NCAM2: variants seen among roughly 807,000 people sequenced by gnomAD.
The protein encoded by NCAM2 is neural cell adhesion molecule 2.
A neutral mutation model predicts 98.1 loss-of-function variants in NCAM2; 30 were observed. That is an observed-to-expected ratio of 0.31 (90% CI 0.23 to 0.41). The LOEUF (loss-of-function observed/expected upper bound fraction) is 0.41, where lower values mean the gene tolerates loss of function less well. Ranked by LOEUF, NCAM2 falls within the 10% of genes least tolerant of loss-of-function variation. The probability of loss-of-function intolerance (pLI) is 1.00; values close to 1 mark genes in which losing one functional copy is unlikely to be tolerated. For missense variants in NCAM2, 867 were observed against 1,005.8 expected (o/e 0.86, Z 1.87); for synonymous variants, 368 against 342.4 (o/e 1.07, Z -0.83).
intron 14 of NCAM2, among the ~76,000 whole-genome samples, chr21:21,475,097 G>C (rs1367550324): frequency 1.3e-5 from 2 of 151,572 alleles, no homozygotes; most frequent in Non-Finnish European, 2.9e-5. Flanking sequence ...TACAGTGTTT[G>C]CTTATACATC....
Position 21,324,365 on chromosome 21 carries a change from T to C in NCAM2, c.620-18T>C, listed in dbSNP as rs762095438. 5 of 1,587,946 alleles carry C rather than the reference T, an allele frequency of 3.1e-6. No individual in the cohort carries two copies. In the South Asian group the frequency reaches 4.4e-5, roughly 14 times the overall value. ...GGTGTTTTCGTCTCTATTTATTCTG[T>C]ATTCATCTCTCCTTCAGTGCCGCCA... On this transcript the variant is annotated intron_variant, in intron 5 of 17. Coordinates refer to ENST00000400546, the MANE Select transcript of NCAM2 (RefSeq NM_004540.5).
chr21:21,148,526 G>A (rs8134736), intron 1 of NCAM2, among the ~76,000 whole-genome samples: 146,703 of 152,264 alleles, frequency 0.96, 70,881 homozygotes, highest in East Asian at 1. Context: ...AACCTAAAGT[G>A]TGCAGATATA....
chr21:21,230,127 T>C (rs1339410538), intron 1 of NCAM2, among the ~76,000 whole-genome samples: 1 of 151,140 alleles, frequency 6.6e-6, no homozygotes, highest in African/African-American at 2.4e-5. Context: ...TTTGGATGAT[T>C]ACTCTCTGTC....
intron 11 of NCAM2, among the ~76,000 whole-genome samples, chr21:21,424,389 C>T (rs2077171731): frequency 6.6e-6 from 1 of 152,116 alleles, no homozygotes; most frequent in African/African-American, 2.4e-5. Context: ...GGTCTTTACA[C>T]ATAAGTTGGA....
At chr21:21,078,847 A>G (rs1045243038) in intron 1 of NCAM2, among the ~76,000 whole-genome samples, 2 of 152,242 alleles carry the variant, frequency 1.3e-5, no homozygotes, top group Non-Finnish European at 2.9e-5. Context: ...ATGGAATACT[A>G]TGCAGCCATA....
At chr21:21,016,168 G>A (rs1057199643) in intron 1 of NCAM2, among the ~76,000 whole-genome samples, 5 of 151,960 alleles carry the variant, frequency 3.3e-5, no homozygotes, top group African/African-American at 4.8e-5. Flanking sequence ...TTCCTTTCCC[G>A]AATCAACTCC....
chr21:21,477,564 C>A, intron 15 of NCAM2, 93 bp downstream of exon 15: 1 of 1,006,766 alleles, frequency 9.9e-7, no homozygotes, highest in Non-Finnish European at 1.4e-6. Context: ...ATAATTAAAA[C>A]AAACTGAAAT....
At chr21:21,411,084 ATATGTG>A (rs1246003794) in intron 10 of NCAM2, among the ~76,000 whole-genome samples, 2 of 86,768 alleles carry the variant, frequency 2.3e-5, no homozygotes, top group Non-Finnish European at 5.0e-5. Context: ...ACACATATAT[ATATGTG>A]TGTATATATA....
intron 1 of NCAM2, among the ~76,000 whole-genome samples, chr21:21,118,773 G>A (rs575795376): frequency 1.3e-5 from 2 of 151,572 alleles, no homozygotes; most frequent in Non-Finnish European, 2.9e-5. Flanking sequence ...TTACATTATC[G>A]GAGTTAGGAT....
intron 1 of NCAM2, among the ~76,000 whole-genome samples, chr21:21,067,828 T>C (rs1301886332): frequency 1.3e-5 from 2 of 152,198 alleles, no homozygotes; most frequent in South Asian, 2.1e-4. Context: ...CATATAGTTA[T>C]ATAATCAAGG....
chr21:21,054,634 A>T (rs1230067841), intron 1 of NCAM2, among the ~76,000 whole-genome samples: 1 of 152,134 alleles, frequency 6.6e-6, no homozygotes, highest in Non-Finnish European at 1.5e-5. Context: ...ATTCCAAAAG[A>T]TGTGATACCG....
Position 21,299,134 on chromosome 21 carries a change from G to A in NCAM2, c.619+6893G>A, listed in dbSNP as rs565461413. On this transcript the variant is annotated intron_variant, in intron 5 of 17. Coordinates refer to ENST00000400546, the MANE Select transcript of NCAM2 (RefSeq NM_004540.5). Reference sequence around the variant, plus strand: ...CCATCAAGATGCCATCTGACATTGTGGAGATGAATGGCATTCAGGAAAATT... The same window carrying A: ...CCATCAAGATGCCATCTGACATTGTAGAGATGAATGGCATTCAGGAAAATT... Among the ~76,000 whole-genome samples, 299 of 151,708 alleles carry A rather than the reference G, an allele frequency of 2.0e-3. 2 individuals carry two copies. Among genetic ancestry groups the A allele is most frequent in the Non-Finnish European group, 3.7e-3 (248 of 67,818 alleles).
intron 1 of NCAM2, among the ~76,000 whole-genome samples, chr21:21,237,629 T>C (rs1002496599): frequency 6.6e-6 from 1 of 152,146 alleles, no homozygotes; most frequent in Non-Finnish European, 1.5e-5. Context: ...AAGCACATGT[T>C]CTATTGGACA....
At chr21:21,183,715 T>C (rs1263286344) in intron 1 of NCAM2, among the ~76,000 whole-genome samples, 2 of 152,172 alleles carry the variant, frequency 1.3e-5, no homozygotes, top group Non-Finnish European at 2.9e-5. Flanking sequence ...ATGATTATAA[T>C]GTAGATGAGT....
At chr21:21,214,088 T>C (rs1029725287) in intron 1 of NCAM2, among the ~76,000 whole-genome samples, 2 of 152,186 alleles carry the variant, frequency 1.3e-5, no homozygotes, top group African/African-American at 4.8e-5. Flanking sequence ...ATGTTTATTT[T>C]CCTTGCTTCT....
At chr21:21,448,872 T>C (rs1298693375) in intron 12 of NCAM2, among the ~76,000 whole-genome samples, 1 of 152,122 alleles carries the variant, frequency 6.6e-6, no homozygotes, top group Non-Finnish European at 1.5e-5. Context: ...GGTTTCTGTA[T>C]GTTAAAATTC....
At chr21:21,330,403 G>A (rs2074640117) in intron 6 of NCAM2, among the ~76,000 whole-genome samples, 1 of 151,900 alleles carries the variant, frequency 6.6e-6, no homozygotes, top group Admixed American at 6.6e-5. Flanking sequence ...TCATTTAGAA[G>A]TATGCTGATT....
chr21:21,191,669 T>C (rs1214819576), intron 1 of NCAM2, among the ~76,000 whole-genome samples: 1 of 152,184 alleles, frequency 6.6e-6, no homozygotes, highest in Non-Finnish European at 1.5e-5. Flanking sequence ...ATTGGCACTA[T>C]TTGTTTTGGC....
intron 1 of NCAM2, among the ~76,000 whole-genome samples, chr21:21,220,312 A>G (rs925279164): frequency 3.3e-5 from 5 of 152,068 alleles, no homozygotes; most frequent in African/African-American, 1.2e-4. Flanking sequence ...ATTTTTTCTT[A>G]ATTTTTGTAC....
Sources: allele counts gnomAD v4.1 joint callset (sites outside exome capture counted in the v4.1 genomes callset), GRCh38; gene constraint gnomAD v4.1.1; transcripts MANE v1.5; gene names NCBI Gene and HGNC (gene_info 2026-07-23, HGNC 2026-07-21).